ERBB4: variants seen among roughly 807,000 people sequenced by gnomAD.
ERBB4 encodes erb-b2 receptor tyrosine kinase 4.
In ERBB4, 42 loss-of-function variants were observed where a neutral mutation model predicts 158.0. That is an observed-to-expected ratio of 0.27 (90% confidence interval 0.21 to 0.34). The LOEUF (loss-of-function observed/expected upper bound fraction) is 0.34, where lower values mean the gene tolerates loss of function less well. Ranked by LOEUF, ERBB4 falls within the 10% of genes least tolerant of loss-of-function variation. ERBB4 has a pLI of 1.00. For missense variants in ERBB4, 1,333 were observed against 1,624.1 expected (o/e 0.82, Z 3.08); for synonymous variants, 583 against 558.7 (o/e 1.04, Z -0.61).
intron 1 of ERBB4, among the ~76,000 whole-genome samples, chr2:212,496,950 G>C (rs1355884056): frequency 6.6e-6 from 1 of 151,794 alleles, no homozygotes; most frequent in Non-Finnish European, 1.5e-5. Flanking sequence ...GAGGCCGATG[G>C]GGGTGGATCA....
At chr2:212,166,193 C>T (rs2081342383) in intron 1 of ERBB4, among the ~76,000 whole-genome samples, 1 of 152,012 alleles carries the variant, frequency 6.6e-6, no homozygotes. Flanking sequence ...CCTTTGGCAT[C>T]TTACAGATCA....
At chr2:212,060,555 C>T (rs190736943) in intron 2 of ERBB4, among the ~76,000 whole-genome samples, 1,588 of 115,572 alleles carry the variant, frequency 0.014, 18 homozygotes, top group Non-Finnish European at 0.022. Context: ...GACTTGGAAC[C>T]CACCCCAACG....
intron 1 of ERBB4, among the ~76,000 whole-genome samples, chr2:212,237,767 T>C (rs1184765724): frequency 6.6e-6 from 1 of 152,206 alleles, no homozygotes; most frequent in Non-Finnish European, 1.5e-5. Context: ...CTTTCAGAGA[T>C]GTCCTGCCCA....
chr2:212,099,970 T>G (rs558691535), intron 2 of ERBB4, among the ~76,000 whole-genome samples: 1 of 152,308 alleles, frequency 6.6e-6, no homozygotes, highest in Non-Finnish European at 1.5e-5. Flanking sequence ...CATGCAGGTA[T>G]GAAGACAAAT....
chr2:211,925,297 T>C (rs2079985946), intron 3 of ERBB4, among the ~76,000 whole-genome samples: 1 of 150,340 alleles, frequency 6.7e-6, no homozygotes, highest in Admixed American at 6.6e-5. Context: ...GTCAAAGATA[T>C]AAACACTACC....
chr2:211,738,360 T>TG (rs1223701312), intron 5 of ERBB4, among the ~76,000 whole-genome samples: 3 of 40,248 alleles, frequency 7.5e-5, no homozygotes, highest in African/African-American at 5.2e-4. Context: ...CCTTTGTTTT[T>TG]GTTTTTTTTT....
chr2:211,429,550 A>C (rs1389262654), intron 21 of ERBB4, among the ~76,000 whole-genome samples: 1 of 152,214 alleles, frequency 6.6e-6, no homozygotes, highest in Non-Finnish European at 1.5e-5. Flanking sequence ...TTCAACTATG[A>C]AGGGCAGCAT....
chr2:211,670,536 A>G (rs989894200), intron 14 of ERBB4, among the ~76,000 whole-genome samples: 1 of 152,208 alleles, frequency 6.6e-6, no homozygotes, highest in Non-Finnish European at 1.5e-5. Flanking sequence ...CACTAGCACA[A>G]TTTTATGCAA....
intron 1 of ERBB4, among the ~76,000 whole-genome samples, chr2:212,340,571 G>A (rs746068537): frequency 2.6e-5 from 4 of 152,138 alleles, no homozygotes; most frequent in Non-Finnish European, 4.4e-5. Context: ...CAGATTCCTT[G>A]CATGCGCAGT....
intron 19 of ERBB4, among the ~76,000 whole-genome samples, chr2:211,578,007 G>C (rs187406132): frequency 6.6e-6 from 1 of 152,082 alleles, no homozygotes; most frequent in African/African-American, 2.4e-5. Flanking sequence ...AATAGGAAGC[G>C]AGGAAGTCAA....
intron 1 of ERBB4, among the ~76,000 whole-genome samples, chr2:212,528,103 C>G (rs1464772863): frequency 6.6e-6 from 1 of 151,826 alleles, no homozygotes; most frequent in African/African-American, 2.4e-5. Flanking sequence ...TACAGGGTAA[C>G]CTAAAGTAGA....
chr2:212,209,313 G>A (rs972856932), intron 1 of ERBB4, among the ~76,000 whole-genome samples: 1 of 152,110 alleles, frequency 6.6e-6, no homozygotes, highest in Non-Finnish European at 1.5e-5. Context: ...TCATCTCAGT[G>A]TATATATGCT....
intron 20 of ERBB4, among the ~76,000 whole-genome samples, chr2:211,549,933 C>T (rs558878883): frequency 6.7e-4 from 102 of 152,156 alleles, no homozygotes; most frequent in African/African-American, 2.2e-3. Context: ...AGAACCCTGT[C>T]GGGACTTCCT....
chr2:211,582,235 C>A (rs2068126743), intron 19 of ERBB4, among the ~76,000 whole-genome samples: 1 of 152,120 alleles, frequency 6.6e-6, no homozygotes, highest in Non-Finnish European at 1.5e-5. Context: ...GGTAGGCGTG[C>A]CGGCTTTCAT....
chr2:211,861,339 GTTTTTT>G (rs1553648578), intron 3 of ERBB4, among the ~76,000 whole-genome samples: 21,913 of 89,744 alleles, frequency 0.24, 2,127 homozygotes, highest in South Asian at 0.42. Flanking sequence ...TTTTTTTTTT[GTTTTTT>G]TTTTGTTTTT....
chr2:211,728,049 T>C (rs988719990), intron 5 of ERBB4, among the ~76,000 whole-genome samples: 1 of 151,902 alleles, frequency 6.6e-6, no homozygotes, highest in Admixed American at 6.6e-5. Flanking sequence ...TAAATCCCCT[T>C]GGACTGTCCC....
intron 1 of ERBB4, among the ~76,000 whole-genome samples, chr2:212,518,698 C>G (rs893031025): frequency 2.0e-5 from 3 of 152,008 alleles, no homozygotes; most frequent in African/African-American, 7.2e-5. Flanking sequence ...AGAAAACAGA[C>G]AGCCCAAGTT....
At chr2:212,224,315 T>C (rs1258792361) in intron 1 of ERBB4, among the ~76,000 whole-genome samples, 1 of 151,990 alleles carries the variant, frequency 6.6e-6, no homozygotes, top group Non-Finnish European at 1.5e-5. Flanking sequence ...ACTTTATATT[T>C]ACTATCCTGT....
chr2:211,844,539 C>T (rs1237136138), intron 3 of ERBB4, among the ~76,000 whole-genome samples: 2 of 152,138 alleles, frequency 1.3e-5, no homozygotes, highest in African/African-American at 4.8e-5. Context: ...GTCTGAGAAC[C>T]TCTGAAATTG....
Sources: gnomAD v4.1 joint callset for allele counts (sites outside exome capture counted in the v4.1 genomes callset) on GRCh38, gnomAD v4.1.1 for gene constraint, MANE v1.5 for transcripts, NCBI Gene and HGNC (gene_info 2026-07-23, HGNC 2026-07-21) for gene names.